NEDD9: variants seen among roughly 807,000 people sequenced by gnomAD.
The protein encoded by NEDD9 is neural precursor cell expressed, developmentally down-regulated 9, also known as enhancer of filamentation 1.
Under a neutral mutation model 76.6 loss-of-function variants are expected in NEDD9, and 26 were observed. The observed-to-expected ratio is 0.34, with a 90% confidence interval of 0.25 to 0.47. The LOEUF (loss-of-function observed/expected upper bound fraction) is 0.47, where lower values mean the gene tolerates loss of function less well. Ranked by LOEUF, NEDD9 falls within the 20% of genes least tolerant of loss-of-function variation. The probability of loss-of-function intolerance (pLI) is 1.00; values close to 1 mark genes in which losing one functional copy is unlikely to be tolerated. For synonymous variants in NEDD9, 392 were observed against 414.2 expected, an observed-to-expected ratio of 0.95 and a Z score of 0.65; for missense variants, 937 against 1,058.5, an observed-to-expected ratio of 0.89 and a Z score of 1.59.
At chr6:11,192,497 C>A (rs1758173770) in intron 3 of NEDD9, 51 bp from the exon 4 acceptor site, 1 of 1,339,142 alleles carries the variant, frequency 7.5e-7, no homozygotes, top group South Asian at 1.2e-5. Context: ...TATACTTGGT[C>A]ATTTTTTATG....
chr6:11,222,107 G>C (rs114989766), intron 1 of NEDD9, among the ~76,000 whole-genome samples: 2,944 of 152,282 alleles, frequency 0.019, 96 homozygotes, highest in African/African-American at 0.067. Context: ...TAAGGTGTTT[G>C]AAAGAAGAAA....
At chr6:11,272,596 G>GT (rs772549147) in intron 3 of NEDD9, among the ~76,000 whole-genome samples, 1 of 152,130 alleles carries the variant, frequency 6.6e-6, no homozygotes, top group Non-Finnish European at 1.5e-5. Context: ...GAAAATTCTC[G>GT]TTTTGCACTA....
chr6:11,244,169 C>T (rs1759763835), intron 3 of NEDD9, among the ~76,000 whole-genome samples: 1 of 152,126 alleles, frequency 6.6e-6, no homozygotes. Flanking sequence ...TCAGCTCTTC[C>T]CAGGGTCCAC....
At chr6:11,225,061 C>T (rs1326023900) in intron 1 of NEDD9, among the ~76,000 whole-genome samples, 1 of 152,194 alleles carries the variant, frequency 6.6e-6, no homozygotes, top group South Asian at 2.1e-4. Flanking sequence ...GTTACTGCAA[C>T]TTTCTACTGG....
At chr6:11,225,265 C>T (rs187955779) in intron 1 of NEDD9, among the ~76,000 whole-genome samples, 6 of 152,284 alleles carry the variant, frequency 3.9e-5, no homozygotes, top group South Asian at 2.1e-4. Context: ...ATGTGAGGGA[C>T]ATTTTTAGTA....
chr6:11,231,652 GCTTT>G (rs898366752), intron 1 of NEDD9, among the ~76,000 whole-genome samples: 1 of 152,136 alleles, frequency 6.6e-6, no homozygotes, highest in Non-Finnish European at 1.5e-5. Context: ...ATTGCAGTCT[GCTTT>G]CTTTGTGTCC....
chr6:11,299,009 G>A (rs148801310), intron 3 of NEDD9, among the ~76,000 whole-genome samples: 136 of 152,330 alleles, frequency 8.9e-4, no homozygotes, highest in African/African-American at 3.1e-3. Flanking sequence ...TGCAGCCCAT[G>A]GAGGGTGAGC....
Position 11,296,679 on chromosome 6 carries a change from CCCTTCCTT to C in NEDD9, c.12+9305_12+9312del, listed in dbSNP as rs529125193. Among the ~76,000 whole-genome samples, 135 of 92,974 alleles carry C rather than the reference CCCTTCCTT, an allele frequency of 1.5e-3. 1 individual carries two copies. The highest frequency in any genetic ancestry group is 2.3e-3 in the Admixed American group (20 of 8,664). The allele number at this position is 92,974 out of a possible 152,430, so 61.0% of individuals were successfully genotyped here. ...CCTTTCCTTTCCTTTCCTTTCCTTT[CCCTTCCTT>C]CCTTCCTTCCTTCCTTCCTTCCTTC... On this transcript the variant is annotated intron_variant, in intron 3 of 3. Coordinates refer to the NEDD9 transcript ENST00000397378.
chr6:11,366,315 A>AAG (rs1561849045), intron 1 of NEDD9, among the ~76,000 whole-genome samples: 419 of 36,504 alleles, frequency 0.011, 4 homozygotes, highest in African/African-American at 0.042. Context: ...AAGAAAGAGA[A>AAG]AGAAAGAAAG....
Position 11,379,623 on chromosome 6 carries a change from A to G in NEDD9, c.-214+2516T>C, listed in dbSNP as rs1430142771. Among the ~76,000 whole-genome samples the G allele has an allele frequency of 3.3e-5, 5 of 152,192 alleles. No homozygotes were observed. The East Asian group carries it at 9.6e-4, about 29-fold the overall frequency. ...ATAAATTCACTTTTTTAAAACTTAA[A>G]GATTTATATTTTAAAAGAAATGTTT... On this transcript the variant is annotated intron_variant, in intron 1 of 3. Coordinates refer to the NEDD9 transcript ENST00000397378.
intron 2 of NEDD9, among the ~76,000 whole-genome samples, chr6:11,312,415 C>G (rs1761398409): frequency 6.6e-6 from 1 of 152,140 alleles, no homozygotes; most frequent in African/African-American, 2.4e-5. Context: ...CTGCAGTGCT[C>G]TTGTACCTCT....
chr6:11,293,485 C>T (rs377360654), intron 3 of NEDD9, among the ~76,000 whole-genome samples: 44 of 152,172 alleles, frequency 2.9e-4, no homozygotes, highest in African/African-American at 9.6e-4. Flanking sequence ...TCAGCTTTAT[C>T]GAAGCATATT....
At chr6:11,343,694 A>C (rs1032342296) in intron 1 of NEDD9, among the ~76,000 whole-genome samples, 1 of 152,238 alleles carries the variant, frequency 6.6e-6, no homozygotes, top group Non-Finnish European at 1.5e-5. Flanking sequence ...GAATAAAGGA[A>C]TATATGAATG....
chr6:11,299,878 T>C (rs576390449), intron 3 of NEDD9, among the ~76,000 whole-genome samples: 1 of 152,050 alleles, frequency 6.6e-6, no homozygotes, highest in East Asian at 1.9e-4. Context: ...AGTCCAAAGG[T>C]AGATAAAACC....
chr6:11,199,637 C>A (rs1324566529), intron 2 of NEDD9: 1 of 43,110 alleles, frequency 2.3e-5, no homozygotes, highest in Admixed American at 3.7e-4. Context: ...TAGGAAAGAT[C>A]TTTTTTTTTT....
intron 1 of NEDD9, among the ~76,000 whole-genome samples, chr6:11,363,476 TG>T (rs969303263): frequency 7.9e-5 from 12 of 151,962 alleles, no homozygotes; most frequent in African/African-American, 2.4e-4. Flanking sequence ...CCTCATGGAA[TG>T]GGGGGGAAGT....
chr6:11,232,312 C>T (rs1042981162), intron 1 of NEDD9, among the ~76,000 whole-genome samples, 192 bp downstream of exon 1: 3 of 152,098 alleles, frequency 2.0e-5, no homozygotes, highest in Non-Finnish European at 2.9e-5. Flanking sequence ...TACTGTGAAC[C>T]CCTGGAGTGG....
chr6:11,194,723 A>C (rs1244596660), intron 2 of NEDD9, among the ~76,000 whole-genome samples: 4 of 152,230 alleles, frequency 2.6e-5, no homozygotes, highest in Non-Finnish European at 5.9e-5. Context: ...GGATATCAGA[A>C]GTCAAATAGC....
At chr6:11,238,150 G>C (rs191971722) in intron 3 of NEDD9, among the ~76,000 whole-genome samples, 111 of 152,274 alleles carry the variant, frequency 7.3e-4, no homozygotes, top group Middle Eastern at 6.8e-3. Flanking sequence ...CCCTGTGCCA[G>C]ATGTTTACAA....
Sources: gnomAD v4.1 joint callset for allele counts (sites outside exome capture counted in the v4.1 genomes callset) on GRCh38, gnomAD v4.1.1 for gene constraint, MANE v1.5 for transcripts, NCBI Gene and HGNC (gene_info 2026-07-23, HGNC 2026-07-21) for gene names.